Variants in KCNQ5 observed in about 807,000 individuals in gnomAD.
The protein encoded by KCNQ5 is potassium voltage-gated channel subfamily Q member 5.
A neutral mutation model predicts 98.2 loss-of-function variants in KCNQ5; 30 were observed. The ratio of observed to expected loss-of-function variants is 0.31; its 90% confidence interval spans 0.23 to 0.41. The LOEUF is 0.41. Among genes scored for constraint, KCNQ5 ranks in the 10% least tolerant of loss-of-function variants. The pLI, the probability that KCNQ5 is intolerant of heterozygous loss-of-function variation, is 1.00. For missense variants in KCNQ5, 835 were observed against 1,182.5 expected (o/e 0.71, Z 4.31); for synonymous variants, 458 against 449.4 (o/e 1.02, Z -0.24).
intron 1 of KCNQ5, among the ~76,000 whole-genome samples, chr6:72,694,407 G>A (rs1468575202): frequency 6.6e-6 from 1 of 152,164 alleles, no homozygotes; most frequent in Non-Finnish European, 1.5e-5. Flanking sequence ...CTTACTTTGT[G>A]CCTGTCCTTT....
At chr6:73,131,600 A>T (rs1776243535) in intron 9 of KCNQ5, among the ~76,000 whole-genome samples, 2 of 1,696 alleles carry the variant, frequency 1.2e-3, no homozygotes, top group Admixed American at 0.017. Context: ...TTACAATTTA[A>T]AAAAAAAAAA....
chr6:73,187,084 G>T (rs1765395344), intron 11 of KCNQ5, among the ~76,000 whole-genome samples: 1 of 149,636 alleles, frequency 6.7e-6, no homozygotes, highest in Admixed American at 6.6e-5. Context: ...TTTTGAGACG[G>T]AGTCTTGCTC....
At chr6:72,803,129 T>C (rs1442347702) in intron 1 of KCNQ5, among the ~76,000 whole-genome samples, 1 of 152,154 alleles carries the variant, frequency 6.6e-6, no homozygotes, top group Non-Finnish European at 1.5e-5. Context: ...CCAACCACAA[T>C]CAATAATTGT....
intron 2 of KCNQ5, among the ~76,000 whole-genome samples, chr6:73,027,328 G>A (rs1770934120): frequency 6.6e-6 from 1 of 152,204 alleles, no homozygotes; most frequent in African/African-American, 2.4e-5. Context: ...TGCCTCCACA[G>A]ATTGCAGGAA....
chr6:73,124,742 C>T, intron 9 of KCNQ5: 1 of 550,580 alleles, frequency 1.8e-6, no homozygotes, highest in Non-Finnish European at 3.2e-6. Flanking sequence ...GGGCATGGAA[C>T]ATTTGGAGGT....
intron 5 of KCNQ5, among the ~76,000 whole-genome samples, chr6:73,085,629 C>CTCCAGAGT (rs1320804651): frequency 6.6e-6 from 1 of 152,114 alleles, no homozygotes; most frequent in Non-Finnish European, 1.5e-5. Context: ...CCCAGAGGAA[C>CTCCAGAGT]TCCAGAGTGC....
chr6:72,705,786 A>G (rs778558704), intron 1 of KCNQ5, among the ~76,000 whole-genome samples: 3 of 152,044 alleles, frequency 2.0e-5, no homozygotes, highest in Non-Finnish European at 4.4e-5. Flanking sequence ...TATTACTTTA[A>G]TCTGGGAGGT....
chr6:72,774,478 TTA>T (rs1376106288), intron 1 of KCNQ5, among the ~76,000 whole-genome samples: 5 of 152,116 alleles, frequency 3.3e-5, no homozygotes, highest in Admixed American at 2.0e-4. Flanking sequence ...ATGTGCTATA[TTA>T]GATTACATTA....
chr6:72,721,052 C>CT (rs34943012), intron 1 of KCNQ5, among the ~76,000 whole-genome samples: 1 of 152,146 alleles, frequency 6.6e-6, no homozygotes, highest in Non-Finnish European at 1.5e-5. Context: ...CTATCATTTC[C>CT]TACCTATGTG....
At chr6:73,125,698 TAAAC>T (rs1322685830) in intron 9 of KCNQ5, among the ~76,000 whole-genome samples, 1 of 152,196 alleles carries the variant, frequency 6.6e-6, no homozygotes, top group African/African-American at 2.4e-5. Context: ...TATGTAAAGA[TAAAC>T]AAATGAAAAC....
At position 72,893,021 on chromosome 6, in the gene KCNQ5, C is replaced by A. The variant is rs373620239; in HGVS notation, c.399-110887C>A. 1.4e-3 allele frequency among the ~76,000 whole-genome samples: 218 copies of A among 152,262 alleles called. 5 individuals are homozygous for A. In the South Asian group the frequency reaches 0.029, roughly 20 times the overall value. Reference sequence around the variant, plus strand: ...GCCATGTTCATTTTCCATTTGCCTACCCCAGAACATTCCATATTGTGTAAA... The same window carrying A: ...GCCATGTTCATTTTCCATTTGCCTAACCCAGAACATTCCATATTGTGTAAA... On this transcript the variant is annotated intron_variant, in intron 1 of 13. Coordinates refer to ENST00000370398, the MANE Select transcript of KCNQ5 (RefSeq NM_019842.4).
rs1466419271 is a variant in KCNQ5 at position 72,761,880 on chromosome 6, C to T, written c.398+139293C>T. Among the ~76,000 whole-genome samples the T allele has an allele frequency of 2.6e-5, 4 of 152,046 alleles. No homozygotes were observed. In the South Asian group the frequency reaches 6.2e-4, roughly 24 times the overall value. ...AGCAGGAGTAGTGGCTAGAAACAAA[C>T]CTTTGATACGTAGAAGTCCCCCAGA... is the stretch of plus-strand genomic sequence containing the variant. On this transcript the variant is annotated intron_variant, in intron 1 of 13. Transcript: ENST00000370398.
intron 1 of KCNQ5, among the ~76,000 whole-genome samples, chr6:72,770,260 G>T (rs546804192): frequency 5.9e-5 from 9 of 152,080 alleles, no homozygotes; most frequent in African/African-American, 1.9e-4. Context: ...AAGAGACAAA[G>T]GCCAAGTAGG....
intron 2 of KCNQ5, among the ~76,000 whole-genome samples, chr6:73,012,224 A>G (rs962351604): frequency 3.3e-5 from 5 of 152,158 alleles, no homozygotes; most frequent in African/African-American, 1.2e-4. Flanking sequence ...CCAAGTGTAT[A>G]CTGACAAGTG....
At chr6:72,662,000 A>C (rs1023877112) in intron 1 of KCNQ5, among the ~76,000 whole-genome samples, 1 of 152,060 alleles carries the variant, frequency 6.6e-6, no homozygotes, top group Non-Finnish European at 1.5e-5. Context: ...ATGCTTTCCC[A>C]TACAACCCAT....
Position 72,940,371 on chromosome 6 carries a change from A to G in KCNQ5, c.399-63537A>G, listed in dbSNP as rs116988009. Among the ~76,000 whole-genome samples, 413 of 152,336 alleles carry G rather than the reference A, an allele frequency of 2.7e-3. 3 individuals are homozygous for G. The highest frequency in any genetic ancestry group is 0.022 in the East Asian group (115 of 5,192). ...GGAAACTTTTTTGCCTGGCTCTGAT[A>G]CTTGTTTTCATGCCCAGGACAGGTG... is the stretch of plus-strand genomic sequence containing the variant. On this transcript the variant is annotated intron_variant, in intron 1 of 13. Coordinates refer to ENST00000370398, the MANE Select transcript of KCNQ5 (RefSeq NM_019842.4).
chr6:73,071,178 A>G (rs1036751617), intron 3 of KCNQ5, among the ~76,000 whole-genome samples: 9 of 152,184 alleles, frequency 5.9e-5, no homozygotes, highest in Admixed American at 5.9e-4. Context: ...AACAGTAAAC[A>G]TTAGATTTAC....
chr6:72,657,547 C>G (rs1180539598), intron 1 of KCNQ5, among the ~76,000 whole-genome samples: 2 of 152,148 alleles, frequency 1.3e-5, no homozygotes, highest in Non-Finnish European at 2.9e-5. Context: ...TGAAGTTTGC[C>G]TCATAGACTG....
intron 5 of KCNQ5, among the ~76,000 whole-genome samples, chr6:73,104,714 G>A (rs1007310707): frequency 1.3e-5 from 2 of 152,092 alleles, no homozygotes; most frequent in Non-Finnish European, 2.9e-5. Flanking sequence ...CAGGTTATTT[G>A]TACCTCCATT....
Sources: allele counts gnomAD v4.1 joint callset (sites outside exome capture counted in the v4.1 genomes callset), GRCh38; gene constraint gnomAD v4.1.1; transcripts MANE v1.5; gene names NCBI Gene and HGNC (gene_info 2026-07-23, HGNC 2026-07-21).